SLC12A1: variants seen among roughly 807,000 people sequenced by gnomAD.
SLC12A1 encodes solute carrier family 12 member 1, also known as Na-K-2Cl cotransporter.
Under a neutral mutation model 130.4 loss-of-function variants are expected in SLC12A1, and 89 were observed. The ratio of observed to expected loss-of-function variants is 0.68; its 90% CI spans 0.58 to 0.81. SLC12A1 has a LOEUF of 0.81. Among genes scored for constraint, SLC12A1 ranks in the 40% least tolerant of loss-of-function variants. The pLI is 0.00. For missense variants in SLC12A1, 1,310 were observed against 1,336.4 expected, an observed-to-expected ratio of 0.98 and a Z score of 0.31; for synonymous variants, 499 against 460.0, an observed-to-expected ratio of 1.08 and a Z score of -1.09.
At chr15:48,235,804 T>C (rs536942676) in intron 9 of SLC12A1, among the ~76,000 whole-genome samples, 27 of 152,236 alleles carry the variant, frequency 1.8e-4, no homozygotes, top group African/African-American at 6.5e-4. Flanking sequence ...GATAACCTCT[T>C]TGTTTCACCG....
intron 2 of SLC12A1, among the ~76,000 whole-genome samples, chr15:48,217,486 G>C (rs1435003235): frequency 6.6e-6 from 1 of 152,074 alleles, no homozygotes; most frequent in African/African-American, 2.4e-5. Context: ...AAGGACTGAG[G>C]ATATCTAAGA....
intron 23 of SLC12A1, among the ~76,000 whole-genome samples, chr15:48,291,074 T>C (rs929832548): frequency 1.1e-4 from 16 of 151,800 alleles, no homozygotes; most frequent in Middle Eastern, 3.4e-3. Flanking sequence ...GATAGGTAGA[T>C]AGAGATAGAA....
intron 14 of SLC12A1, among the ~76,000 whole-genome samples, chr15:48,250,964 G>A (rs748085298): frequency 6.6e-5 from 10 of 152,128 alleles, no homozygotes; most frequent in African/African-American, 1.9e-4. Flanking sequence ...AAACTCCCAC[G>A]CACGTGCGCA....
intron 20 of SLC12A1, among the ~76,000 whole-genome samples, chr15:48,280,487 T>C (rs935621634): frequency 1.1e-4 from 16 of 152,172 alleles, no homozygotes; most frequent in Non-Finnish European, 1.9e-4. Context: ...ATAAACATCT[T>C]GAAAAGAGAG....
chr15:48,240,116 T>A (rs1490712173), intron 9 of SLC12A1, among the ~76,000 whole-genome samples: 1 of 140,126 alleles, frequency 7.1e-6, no homozygotes, highest in Non-Finnish European at 1.5e-5. Flanking sequence ...TATATCCATA[T>A]ATATATATAT....
At chr15:48,291,655 C>G (rs1259851556) in intron 23 of SLC12A1, 123 bp from the exon 24 acceptor site, 5 of 674,872 alleles carry the variant, frequency 7.4e-6, no homozygotes, top group Non-Finnish European at 1.3e-5. Flanking sequence ...CAAAAAGCCT[C>G]TGTCTGAAAG....
intron 24 of SLC12A1, among the ~76,000 whole-genome samples, chr15:48,295,714 C>A (rs915224691): frequency 1.3e-5 from 2 of 152,156 alleles, no homozygotes; most frequent in African/African-American, 4.8e-5. Flanking sequence ...AAAATCCATT[C>A]TTACTGAAAT....
At chr15:48,284,919 C>A (rs2042041853) in intron 20 of SLC12A1, among the ~76,000 whole-genome samples, 187 bp from the exon 21 acceptor site, 1 of 152,100 alleles carries the variant, frequency 6.6e-6, no homozygotes, top group African/African-American at 2.4e-5. Flanking sequence ...GCATGAGCTA[C>A]CTCACCCAAC....
At chr15:48,281,562 G>A (rs1357080830) in intron 20 of SLC12A1, among the ~76,000 whole-genome samples, 1 of 152,108 alleles carries the variant, frequency 6.6e-6, no homozygotes, top group East Asian at 1.9e-4. Flanking sequence ...AGAGAAGAGG[G>A]ATAAACACTA....
chr15:48,227,786 T>C (rs564528630), intron 5 of SLC12A1: 2 of 153,114 alleles, frequency 1.3e-5, no homozygotes, highest in South Asian at 4.1e-4. Context: ...GGTTCTCTAC[T>C]TCGGCACCTT....
At chr15:48,256,926 A>G (rs143835516) in intron 16 of SLC12A1, among the ~76,000 whole-genome samples, 1 of 149,536 alleles carries the variant, frequency 6.7e-6, no homozygotes, top group Non-Finnish European at 1.5e-5. Context: ...AAAAGTCCAC[A>G]GTCCAAAGTC....
chr15:48,299,855 A>G (rs2042214072), intron 25 of SLC12A1, among the ~76,000 whole-genome samples: 1 of 152,264 alleles, frequency 6.6e-6, no homozygotes, highest in East Asian at 1.9e-4. Flanking sequence ...TGATAATGAG[A>G]ATAATGCAAA....
intron 20 of SLC12A1, among the ~76,000 whole-genome samples, chr15:48,284,773 G>A (rs966181738): frequency 6.6e-6 from 1 of 152,062 alleles, no homozygotes; most frequent in Admixed American, 6.5e-5. Flanking sequence ...CCAAGTAGCT[G>A]GCACTACACA....
intron 24 of SLC12A1, among the ~76,000 whole-genome samples, chr15:48,298,289 C>A (rs1264372940): frequency 6.6e-6 from 1 of 152,130 alleles, no homozygotes; most frequent in African/African-American, 2.4e-5. Context: ...ATACTAGAGA[C>A]AACTACTGCC....
At chr15:48,256,027 C>G in intron 16 of SLC12A1, 117 bp downstream of exon 16, 1 of 697,986 alleles carries the variant, frequency 1.4e-6, no homozygotes, top group Non-Finnish European at 2.5e-6. Flanking sequence ...TAAAAATAAG[C>G]AGTCATACAA....
chr15:48,273,114 A>AC lies in SLC12A1; in HGVS notation c.2403-1457_2403-1456insC, dbSNP rs1463812479. Among the ~76,000 whole-genome samples the AC allele has an allele frequency of 6.7e-4, 96 of 144,056 alleles. 1 individual carries two copies. The highest frequency in any genetic ancestry group is 2.7e-3 in the African/African-American group (93 of 33,972). The allele number at this position is 144,056 out of a possible 152,430, so 94.5% of individuals were successfully genotyped here. A position where few individuals can be genotyped will look rare whatever the true frequency, so the allele number is the denominator to read the frequency against. ...AGTCAGACTGTCAAAAAAAAAAAAA[A>AC]AAAAAACCTACACTTGATTATCTTA... On this transcript the variant is annotated intron_variant, in intron 19 of 26. Transcript: ENST00000380993.
chr15:48,273,162 A>C (rs1277066143), intron 19 of SLC12A1, among the ~76,000 whole-genome samples: 1 of 150,480 alleles, frequency 6.6e-6, no homozygotes, highest in Non-Finnish European at 1.5e-5. Flanking sequence ...TTAGTCTGGC[A>C]CGTGTGGGCC....
chr15:48,249,308 A>T (rs2041620700), intron 13 of SLC12A1, among the ~76,000 whole-genome samples: 1 of 122,660 alleles, frequency 8.2e-6, no homozygotes, highest in Admixed American at 9.0e-5. Flanking sequence ...CCAGTCGCAC[A>T]TCTACCCATT....
Position 48,304,026 on chromosome 15 carries a change from C to T in SLC12A1, c.*1141C>T, listed in dbSNP as rs1400800852. The T allele has an allele frequency of 6.6e-6, 1 of 152,118 alleles. No homozygotes were observed. Among genetic ancestry groups the T allele is most frequent in the African/African-American group, 2.4e-5 (1 of 41,438 alleles). 9.4% of individuals were successfully genotyped at this position (152,118 alleles called of 1,614,324 possible). On this transcript the variant is annotated 3_prime_UTR_variant, in exon 27 of 27. Transcript: ENST00000380993. The stretch of plus-strand genomic sequence containing the variant: ...GACATGTTTTGACTGTTCATTCTAA[C>T]TGAAAACATATATGGGAAAATATGA...
Sources: gnomAD v4.1 joint callset for allele counts (sites outside exome capture counted in the v4.1 genomes callset) on GRCh38, gnomAD v4.1.1 for gene constraint, MANE v1.5 for transcripts, NCBI Gene and HGNC (gene_info 2026-07-23, HGNC 2026-07-21) for gene names.